The following CCSER1 variants were observed in gnomAD, a reference collection of about 807,000 sequenced individuals.
The protein encoded by CCSER1 is serine-rich coiled-coil domain-containing protein 1.
Under a neutral mutation model 82.0 loss-of-function variants are expected in CCSER1, and 41 were observed. That is an observed-to-expected ratio of 0.50 (90% CI 0.39 to 0.65). The LOEUF is 0.65. Ranked by LOEUF, CCSER1 falls within the 30% of genes least tolerant of loss-of-function variation. CCSER1 has a pLI of 0.00. For synonymous variants in CCSER1, 414 were observed against 383.9 expected, an observed-to-expected ratio of 1.08 and a Z score of -0.92; for missense variants, 1,119 against 1,064.2, an observed-to-expected ratio of 1.05 and a Z score of -0.72.
At chr4:91,001,338 G>A (rs770803085) in intron 9 of CCSER1, among the ~76,000 whole-genome samples, 1 of 152,076 alleles carries the variant, frequency 6.6e-6, no homozygotes, top group Non-Finnish European at 1.5e-5. Context: ...TTTTGCATCT[G>A]TGTTCAATGG....
At chr4:90,930,125 A>ATTTT (rs1304127900) in intron 9 of CCSER1, among the ~76,000 whole-genome samples, 1 of 152,210 alleles carries the variant, frequency 6.6e-6, no homozygotes, top group Non-Finnish European at 1.5e-5. Flanking sequence ...GGTAGTGTTG[A>ATTTT]TAAAAGAGAA....
intron 10 of CCSER1, among the ~76,000 whole-genome samples, chr4:91,214,634 G>C (rs748461294): frequency 7.2e-5 from 11 of 152,054 alleles, no homozygotes; most frequent in African/African-American, 1.2e-4. Flanking sequence ...AACAGAGCTT[G>C]GAAAATAGCA....
At chr4:90,541,368 G>C (rs1366323033) in intron 5 of CCSER1, among the ~76,000 whole-genome samples, 1 of 152,044 alleles carries the variant, frequency 6.6e-6, no homozygotes, top group East Asian at 1.9e-4. Context: ...TGCCTTCAAA[G>C]TCAGCTTTTC....
At chr4:91,039,709 ATGAGTATC>A (rs1229937851) in intron 9 of CCSER1, among the ~76,000 whole-genome samples, 2 of 151,302 alleles carry the variant, frequency 1.3e-5, no homozygotes, top group Admixed American at 1.3e-4. Flanking sequence ...GTGTATATAT[ATGAGTATC>A]TTTCTGTAAA....
intron 10 of CCSER1, among the ~76,000 whole-genome samples, chr4:91,089,742 C>A (rs983400536): frequency 9.2e-5 from 14 of 152,292 alleles, no homozygotes; most frequent in African/African-American, 3.4e-4. Context: ...CCTCCTATTG[C>A]TGGGAACCAA....
intron 1 of CCSER1, among the ~76,000 whole-genome samples, chr4:90,141,808 G>A (rs1445070554): frequency 2.0e-5 from 3 of 152,222 alleles, no homozygotes; most frequent in Non-Finnish European, 4.4e-5. Flanking sequence ...ACACTTGTTA[G>A]TTTAAGGATA....
At chr4:90,906,593 A>T (rs953880349) in intron 8 of CCSER1, among the ~76,000 whole-genome samples, 1 of 152,158 alleles carries the variant, frequency 6.6e-6, no homozygotes, top group Non-Finnish European at 1.5e-5. Context: ...ATCTCCTAAA[A>T]AACCGAATAT....
intron 3 of CCSER1, among the ~76,000 whole-genome samples, chr4:90,327,406 C>T (rs1738420450): frequency 6.6e-6 from 1 of 152,152 alleles, no homozygotes; most frequent in Non-Finnish European, 1.5e-5. Context: ...CTTCTGCTGT[C>T]TTGAGTTTCT....
chr4:91,019,928 ATTAAT>A (rs1739775843), intron 9 of CCSER1, among the ~76,000 whole-genome samples: 1 of 152,234 alleles, frequency 6.6e-6, no homozygotes, highest in African/African-American at 2.4e-5. Flanking sequence ...AATATGCTAT[ATTAAT>A]TTAATAGCCA....
chr4:91,415,409 C>T (rs1287743801), intron 10 of CCSER1, among the ~76,000 whole-genome samples: 2 of 152,094 alleles, frequency 1.3e-5, no homozygotes, highest in Admixed American at 1.3e-4. Context: ...TTATTTCTTT[C>T]TCTTGCCTGA....
intron 6 of CCSER1, among the ~76,000 whole-genome samples, chr4:90,660,308 T>G (rs753785687): frequency 1.1e-4 from 16 of 152,022 alleles, no homozygotes; most frequent in Non-Finnish European, 2.1e-4. Flanking sequence ...GACAAATGTG[T>G]AAAGAAAATG....
Position 90,309,491 on chromosome 4 carries a change from A to G in CCSER1, c.1207A>G (p.Ile403Val). ...TGGATTTTATGAGCAACATAAAGCA[A>G]TAGCGGAACATGTAAAAGGGATCCA... ...KLGFYEQHKA[I>V]AEHVKGIHPI... is the part of the protein sequence containing the mutation. The change falls in exon 2 of 11, where the codon ATA becomes GTA. Residue 403 changes from isoleucine to valine, a missense_variant. By Grantham distance (29) the Ile-to-Val change is conservative. Coordinates refer to ENST00000509176, the MANE Select transcript of CCSER1 (RefSeq NM_001145065.2). 6.2e-7 allele frequency: 1 copy of G among 1,613,862 alleles called. No individual in the cohort carries two copies. Among genetic ancestry groups the G allele is most frequent in the Non-Finnish European group, 8.5e-7 (1 of 1,179,794 alleles).
chr4:90,988,776 G>A (rs554371549), intron 9 of CCSER1, among the ~76,000 whole-genome samples: 12 of 151,668 alleles, frequency 7.9e-5, no homozygotes, highest in African/African-American at 2.9e-4. Flanking sequence ...CTTATTTTAA[G>A]CTTTGATAAT....
At chr4:91,550,667 A>C (rs1409705048) in intron 10 of CCSER1, among the ~76,000 whole-genome samples, 1 of 152,230 alleles carries the variant, frequency 6.6e-6, no homozygotes, top group Non-Finnish European at 1.5e-5. Flanking sequence ...GGGCTATACT[A>C]TACTATATCA....
intron 9 of CCSER1, among the ~76,000 whole-genome samples, chr4:90,993,684 T>A (rs1470094579): frequency 1.3e-5 from 2 of 152,068 alleles, no homozygotes; most frequent in Admixed American, 1.3e-4. Flanking sequence ...TGCAGATAGC[T>A]GCCTTGTGGC....
At chr4:90,489,005 A>G (rs1029157625) in intron 5 of CCSER1, among the ~76,000 whole-genome samples, 2 of 152,216 alleles carry the variant, frequency 1.3e-5, no homozygotes, top group Non-Finnish European at 2.9e-5. Context: ...AATCATAAAT[A>G]TAACAACTTG....
chr4:91,533,612 A>G (rs968611115), intron 10 of CCSER1, among the ~76,000 whole-genome samples: 1 of 152,168 alleles, frequency 6.6e-6, no homozygotes, highest in African/African-American at 2.4e-5. Flanking sequence ...TAAGTCAAAT[A>G]ATCAAATATA....
intron 1 of CCSER1, among the ~76,000 whole-genome samples, chr4:90,139,656 A>G (rs1382330305): frequency 6.6e-6 from 1 of 152,152 alleles, no homozygotes; most frequent in African/African-American, 2.4e-5. Context: ...AACAGGTGTA[A>G]AAGTATGAAA....
At chr4:91,442,083 G>A (rs1482201543) in intron 10 of CCSER1, among the ~76,000 whole-genome samples, 2 of 151,908 alleles carry the variant, frequency 1.3e-5, no homozygotes, top group Non-Finnish European at 2.9e-5. Flanking sequence ...TCCCCATCAA[G>A]CTACCAATGA....
Sources: gnomAD v4.1 joint callset for allele counts (sites outside exome capture counted in the v4.1 genomes callset) on GRCh38, gnomAD v4.1.1 for gene constraint, MANE v1.5 for transcripts, NCBI Gene and HGNC (gene_info 2026-07-23, HGNC 2026-07-21) for gene names.